The following LRRIQ1 variants were observed in gnomAD, a reference collection of about 807,000 sequenced individuals.
The protein encoded by LRRIQ1 is leucine rich repeats and IQ motif containing 1.
LRRIQ1 carries 210 observed loss-of-function variants against 211.9 expected under a neutral mutation model. The ratio of observed to expected loss-of-function variants is 0.99; its 90% confidence interval spans 0.89 to 1.11. The LOEUF (loss-of-function observed/expected upper bound fraction) is 1.11. Among genes scored for constraint, LRRIQ1 ranks in the 50% most tolerant of loss-of-function variants. The pLI is 0.00. For synonymous variants in LRRIQ1, 699 were observed against 650.1 expected (o/e 1.08, Z -1.14); for missense variants, 2,136 against 1,939.5 (o/e 1.10, Z -1.90).
intron 11 of LRRIQ1, among the ~76,000 whole-genome samples, chr12:85,094,260 A>G (rs1046719297): frequency 1.1e-4 from 16 of 152,188 alleles, no homozygotes; most frequent in African/African-American, 3.9e-4. Context: ...AAATGGGGCC[A>G]TCTATTTGCA....
chr12:85,101,944 A>T (rs1886379755), intron 13 of LRRIQ1, among the ~76,000 whole-genome samples: 1 of 151,660 alleles, frequency 6.6e-6, no homozygotes. Context: ...TAAAAACATG[A>T]GATACTCTGA....
At chr12:85,222,700 A>T (rs1258856665) in intron 24 of LRRIQ1, among the ~76,000 whole-genome samples, 1 of 152,112 alleles carries the variant, frequency 6.6e-6, no homozygotes, top group Non-Finnish European at 1.5e-5. Context: ...AGTCAGTTTT[A>T]AGAATGCTGA....
chr12:85,272,671 TAATA>T, the LRRIQ1 span, among the ~76,000 whole-genome samples: 3 of 152,160 alleles, frequency 2.0e-5, no homozygotes, highest in Non-Finnish European at 4.4e-5. Flanking sequence ...TGAACTGTAT[TAATA>T]AATTGTGCGT....
At chr12:85,094,509 AC>A (rs1427639928) in intron 11 of LRRIQ1, among the ~76,000 whole-genome samples, 1 of 152,102 alleles carries the variant, frequency 6.6e-6, no homozygotes, top group African/African-American at 2.4e-5. Flanking sequence ...TATTTTGGTT[AC>A]TATAGTCTTA....
At chr12:85,046,685 A>G (rs561797418) in intron 5 of LRRIQ1, among the ~76,000 whole-genome samples, 2 of 152,212 alleles carry the variant, frequency 1.3e-5, no homozygotes, top group Non-Finnish European at 2.9e-5. Context: ...TCATGCTGCT[A>G]TAAAGACACA....
chr12:85,185,564 G>A (rs536963358), intron 24 of LRRIQ1, among the ~76,000 whole-genome samples: 3 of 151,874 alleles, frequency 2.0e-5, no homozygotes, highest in South Asian at 4.1e-4. Flanking sequence ...AGCATAACTA[G>A]AGATGTTTTA....
chr12:85,166,029 CAT>C (rs144011211), intron 24 of LRRIQ1, among the ~76,000 whole-genome samples: 2,454 of 152,254 alleles, frequency 0.016, 58 homozygotes, highest in African/African-American at 0.056. Context: ...TTTTGAATCA[CAT>C]GTTTTAATTT....
chr12:85,132,774 A>C (rs2136509387), intron 18 of LRRIQ1, among the ~76,000 whole-genome samples: 1 of 152,018 alleles, frequency 6.6e-6, no homozygotes, highest in Admixed American at 6.6e-5. Context: ...AAAAATAAAA[A>C]ATAAATAAAT....
At chr12:85,045,970 ACT>A (rs756983066) in intron 4 of LRRIQ1, 48 bp from the exon 5 acceptor site, 1 of 1,030,048 alleles carries the variant, frequency 9.7e-7, no homozygotes, top group South Asian at 1.5e-5. Flanking sequence ...CGACAGCTTT[ACT>A]CTCTATTTTG....
intron 26 of LRRIQ1, 87 bp from the exon 27 acceptor site, chr12:85,244,702 T>G: frequency 8.8e-7 from 1 of 1,136,954 alleles, no homozygotes; most frequent in Non-Finnish European, 1.3e-6. Context: ...ACAGAGCCTG[T>G]TTGTTTATTT....
chr12:85,132,966 TA>T (rs1381393700), intron 18 of LRRIQ1, among the ~76,000 whole-genome samples: 1 of 151,590 alleles, frequency 6.6e-6, no homozygotes, highest in Admixed American at 6.6e-5. Context: ...TTAAAAAGAG[TA>T]AAAAAGTTAG....
At chr12:85,208,753 A>G (rs919908192) in intron 24 of LRRIQ1, among the ~76,000 whole-genome samples, 4 of 152,168 alleles carry the variant, frequency 2.6e-5, no homozygotes, top group Admixed American at 6.6e-5. Context: ...AACCCATTCT[A>G]TTGTTACTAT....
chr12:85,052,158 A>G lies in LRRIQ1; in HGVS notation c.679-19A>G, dbSNP rs1206752158. The G allele has an allele frequency of 1.5e-6, 2 of 1,290,754 alleles. No individual in the cohort carries two copies. Among genetic ancestry groups the G allele is most frequent in the Non-Finnish European group, 2.2e-6 (2 of 925,664 alleles). 80.0% of individuals were successfully genotyped at this position (1,290,754 alleles called of 1,614,324 possible). On this transcript the variant is annotated intron_variant, in intron 6 of 26. Coordinates refer to ENST00000393217, the MANE Select transcript of LRRIQ1 (RefSeq NM_001079910.2). ...TTGATATTTGAGTATAGTCATATTTATTATTATCATATGTTCAGCAAGAAC... is the reference window on the plus strand; with the variant it reads ...TTGATATTTGAGTATAGTCATATTTGTTATTATCATATGTTCAGCAAGAAC...
chr12:85,219,072 C>T (rs1894284311), intron 24 of LRRIQ1, among the ~76,000 whole-genome samples: 1 of 152,026 alleles, frequency 6.6e-6, no homozygotes, highest in South Asian at 2.1e-4. Flanking sequence ...CTAGTCCCAG[C>T]CCTAGTTATA....
chr12:85,190,687 C>T (rs574127193), intron 24 of LRRIQ1, among the ~76,000 whole-genome samples: 9 of 151,672 alleles, frequency 5.9e-5, no homozygotes, highest in Middle Eastern at 3.2e-3. Flanking sequence ...TATACATAAC[C>T]TGTCTGGGCT....
At chr12:85,198,407 C>A (rs1196536328) in intron 24 of LRRIQ1, among the ~76,000 whole-genome samples, 5 of 151,604 alleles carry the variant, frequency 3.3e-5, no homozygotes, top group Non-Finnish European at 5.9e-5. Flanking sequence ...AATGGCTGAA[C>A]AAATTTATAT....
chr12:85,176,752 A>T (rs1279920434), intron 24 of LRRIQ1, among the ~76,000 whole-genome samples: 1 of 151,926 alleles, frequency 6.6e-6, no homozygotes, highest in Non-Finnish European at 1.5e-5. Flanking sequence ...TAAAAAATAA[A>T]AAAAAATTTT....
intron 24 of LRRIQ1, among the ~76,000 whole-genome samples, chr12:85,164,393 A>G (rs746767039): frequency 1.3e-5 from 2 of 152,106 alleles, no homozygotes; most frequent in Non-Finnish European, 2.9e-5. Context: ...ATTATTTTTC[A>G]TCTATGAAAT....
At chr12:85,211,957 A>G (rs1893856907) in intron 24 of LRRIQ1, among the ~76,000 whole-genome samples, 1 of 152,118 alleles carries the variant, frequency 6.6e-6, no homozygotes, top group Non-Finnish European at 1.5e-5. Context: ...GATCAGATAA[A>G]AGGAAACAAA....
Sources: gnomAD v4.1 joint callset for allele counts (sites outside exome capture counted in the v4.1 genomes callset) on GRCh38, gnomAD v4.1.1 for gene constraint, MANE v1.5 for transcripts, NCBI Gene and HGNC (gene_info 2026-07-23, HGNC 2026-07-21) for gene names.